The following IARS2 variants were observed in gnomAD, a reference collection of about 807,000 sequenced individuals.
IARS2 encodes isoleucine--tRNA ligase, mitochondrial.
IARS2 carries 56 observed loss-of-function variants against 126.3 expected under a neutral mutation model. The ratio of observed to expected loss-of-function variants is 0.44; its 90% CI spans 0.36 to 0.55. IARS2 has a LOEUF of 0.55. IARS2 is among the 20% of genes least tolerant of loss of function. IARS2 has a pLI of 0.00. For synonymous variants in IARS2, 407 were observed against 441.1 expected (o/e 0.92, Z 0.97); for missense variants, 1,127 against 1,245.9 (o/e 0.90, Z 1.44).
chr1:220,122,012 C>T (rs145364679), intron 12 of IARS2, among the ~76,000 whole-genome samples: 92 of 152,186 alleles, frequency 6.0e-4, no homozygotes, highest in African/African-American at 2.1e-3. Context: ...GATTACTTGA[C>T]GCAGGAGTTC....
In IARS2 at chr1:220,114,339, T is replaced by G. The variant is rs1437664755; in HGVS notation, c.1505T>G (p.Ile502Ser). The G allele has an allele frequency of 6.2e-7, 1 of 1,613,878 alleles. No homozygotes were observed. The highest frequency in any genetic ancestry group is 1.7e-5 in the Admixed American group (1 of 60,000). The change falls in exon 12 of 23, where the codon ATT becomes AGT. Residue 502 changes from isoleucine to serine, a missense_variant. Transcript: ENST00000366922. ...AKELLKKVKF[I>S]PGSALNGMVE... is the part of the protein sequence containing the mutation. ...GAATTGTTAAAAAAGGTGAAATTTA[T>G]TCCTGGATCAGCACTGAATGGCATG...
At chr1:220,125,558 C>T (rs1657133967) in intron 13 of IARS2, among the ~76,000 whole-genome samples, 1 of 152,194 alleles carries the variant, frequency 6.6e-6, no homozygotes, top group African/African-American at 2.4e-5. Context: ...AATCCTAGCA[C>T]TTTGAAAGGC....
intron 19 of IARS2, among the ~76,000 whole-genome samples, chr1:220,140,938 C>G (rs1228273745): frequency 1.4e-5 from 2 of 142,042 alleles, no homozygotes; most frequent in African/African-American, 2.7e-5. Context: ...GAGCCGAGAT[C>G]GTGACACTGC....
chr1:220,108,398 T>A (rs1032531835), intron 10 of IARS2, among the ~76,000 whole-genome samples: 18 of 151,090 alleles, frequency 1.2e-4, no homozygotes, highest in African/African-American at 4.4e-4. Context: ...ATTTTTATTT[T>A]TTTTTTAAGA....
At chr1:220,122,037 G>T (rs184457022) in intron 12 of IARS2, among the ~76,000 whole-genome samples, 1 of 152,156 alleles carries the variant, frequency 6.6e-6, no homozygotes, top group East Asian at 1.9e-4. Context: ...CTTCAAGTGA[G>T]CTATGATCAT....
chr1:220,104,391 C>T (rs772292659), intron 8 of IARS2, among the ~76,000 whole-genome samples: 1 of 152,132 alleles, frequency 6.6e-6, no homozygotes, highest in Admixed American at 6.6e-5. Context: ...TGTTGTTCTT[C>T]ATTTTGTTTT....
At chr1:220,145,735 T>C in intron 22 of IARS2, 82 bp downstream of exon 22, 1 of 1,196,084 alleles carries the variant, frequency 8.4e-7, no homozygotes, top group Non-Finnish European at 1.2e-6. Context: ...GTGGACTGGG[T>C]TTATTCTAAA....
intron 22 of IARS2, among the ~76,000 whole-genome samples, chr1:220,146,749 G>A (rs749307955): frequency 2.7e-4 from 41 of 152,152 alleles, no homozygotes; most frequent in Non-Finnish European, 4.7e-4. Context: ...TTGGTTTACC[G>A]CAACCTCCGC....
At chr1:220,096,082 A>G (rs1558117556) in intron 1 of IARS2, 22 bp from the exon 2 acceptor site, 2 of 1,263,552 alleles carry the variant, frequency 1.6e-6, no homozygotes, top group Non-Finnish European at 2.3e-6. Context: ...ATGTTTAGAT[A>G]TCTTTTTTTT....
intron 18 of IARS2, among the ~76,000 whole-genome samples, chr1:220,139,474 G>T (rs1004775791): frequency 1.3e-5 from 2 of 152,266 alleles, no homozygotes; most frequent in East Asian, 1.9e-4. Flanking sequence ...TTCTGGCTGG[G>T]TGTGGAAACT....
intron 15 of IARS2, among the ~76,000 whole-genome samples, chr1:220,135,812 ATT>A (rs1282331832): frequency 1.6e-4 from 20 of 126,102 alleles, no homozygotes; most frequent in Non-Finnish European, 1.7e-4. Flanking sequence ...TTCATTTAAA[ATT>A]TTTTTTTTTT....
At chr1:220,133,406 C>T (rs1160628229) in intron 14 of IARS2, among the ~76,000 whole-genome samples, 3 of 152,262 alleles carry the variant, frequency 2.0e-5, no homozygotes, top group South Asian at 4.1e-4. Context: ...ACAATGCCTG[C>T]TATATAACAA....
chr1:220,127,227 C>G (rs1312518394), intron 14 of IARS2, among the ~76,000 whole-genome samples: 1 of 152,122 alleles, frequency 6.6e-6, no homozygotes, highest in Non-Finnish European at 1.5e-5. Context: ...TGACTTAGAG[C>G]CAAATTAGGT....
At chr1:220,143,881 G>T in intron 21 of IARS2, 1 of 704,048 alleles carries the variant, frequency 1.4e-6, no homozygotes, top group Non-Finnish European at 2.4e-6. Context: ...CAGTCTAAAT[G>T]CTTAAGAAGA....
chr1:220,140,343 C>T (rs1347340726), intron 19 of IARS2, 54 bp downstream of exon 19: 18 of 1,083,704 alleles, frequency 1.7e-5, no homozygotes, highest in South Asian at 7.6e-5. Flanking sequence ...TGGTGACTCA[C>T]GCCTGTAATC....
At chr1:220,139,170 T>G (rs1353211589) in intron 18 of IARS2, 31 bp downstream of exon 18, 2 of 1,579,092 alleles carry the variant, frequency 1.3e-6, no homozygotes, top group South Asian at 2.3e-5. Context: ...TTTTGGAAAC[T>G]AGAAATATCA....
intron 11 of IARS2, among the ~76,000 whole-genome samples, chr1:220,112,124 C>CTTTTTTT (rs1279509771): frequency 1.9e-4 from 22 of 114,740 alleles, no homozygotes; most frequent in Non-Finnish European, 3.9e-4. Context: ...CGACCACCTA[C>CTTTTTTT]TTTTTTTTTT....
intron 2 of IARS2, among the ~76,000 whole-genome samples, chr1:220,098,367 A>G (rs1214887930): frequency 6.6e-6 from 1 of 152,134 alleles, no homozygotes; most frequent in Non-Finnish European, 1.5e-5. Flanking sequence ...GAATATTCAC[A>G]TGGATCACCT....
chr1:220,121,300 T>C (rs1485142870), intron 12 of IARS2, among the ~76,000 whole-genome samples: 2 of 152,192 alleles, frequency 1.3e-5, no homozygotes, highest in African/African-American at 2.4e-5. Flanking sequence ...TTTTAAAAAG[T>C]TTTTTAAATT....
Sources: allele counts gnomAD v4.1 joint callset (sites outside exome capture counted in the v4.1 genomes callset), GRCh38; gene constraint gnomAD v4.1.1; transcripts MANE v1.5; gene names NCBI Gene and HGNC (gene_info 2026-07-23, HGNC 2026-07-21).